EIF2AK4: variants seen among roughly 807,000 people sequenced by gnomAD.
The protein encoded by EIF2AK4 is eukaryotic translation initiation factor 2 alpha kinase 4.
EIF2AK4 carries 139 observed loss-of-function variants against 211.1 expected under a neutral mutation model. That is an observed-to-expected ratio of 0.66 (90% CI 0.57 to 0.76). The LOEUF (loss-of-function observed/expected upper bound fraction) is 0.76, where lower values mean the gene tolerates loss of function less well. EIF2AK4 is among the 30% of genes least tolerant of loss of function. The probability of loss-of-function intolerance (pLI) is 0.00; values close to 1 mark genes in which losing one functional copy is unlikely to be tolerated. For missense variants in EIF2AK4, 1,664 were observed against 2,043.8 expected, an observed-to-expected ratio of 0.81 and a Z score of 3.58; for synonymous variants, 710 against 751.3, an observed-to-expected ratio of 0.94 and a Z score of 0.90.
At chr15:40,034,918 T>C (rs1284709849) in intron 38 of EIF2AK4, 109 bp from the exon 39 acceptor site, 1 of 780,104 alleles carries the variant, frequency 1.3e-6, no homozygotes, top group African/African-American at 1.7e-5. Flanking sequence ...TAGCCTTCCA[T>C]CTTGTTTTTG....
At position 40,009,145 on chromosome 15, in the gene EIF2AK4, G is replaced by T. The variant is rs866836268; in HGVS notation, c.3577-469G>T. 6.6e-5 allele frequency among the ~76,000 whole-genome samples: 10 copies of T among 151,754 alleles called. No homozygotes were observed. In the Middle Eastern group the frequency reaches 0.021, roughly 312 times the overall value. On this transcript the variant is annotated intron_variant, in intron 25 of 38. Coordinates refer to ENST00000263791, the MANE Select transcript of EIF2AK4 (RefSeq NM_001013703.4). ...CTCGCTCTGTCTCCCAGGATGGTGT[G>T]CAGTGATACTATCACAGCTCACTAG...
intron 7 of EIF2AK4, among the ~76,000 whole-genome samples, chr15:39,963,846 C>T (rs528042441): frequency 6.6e-6 from 1 of 152,264 alleles, no homozygotes; most frequent in Non-Finnish European, 1.5e-5. Context: ...TTTTAAACCC[C>T]AGCAACTATG....
At chr15:40,032,616 C>T in intron 36 of EIF2AK4, 141 bp from the exon 37 acceptor site, 3 of 703,840 alleles carry the variant, frequency 4.3e-6, no homozygotes, top group East Asian at 2.7e-5. Context: ...TATCACTGCA[C>T]AGTTCATTAA....
At chr15:39,988,164 TA>T (rs1451821684) in intron 15 of EIF2AK4, 59 bp downstream of exon 15, 1 of 1,579,410 alleles carries the variant, frequency 6.3e-7, no homozygotes, top group Non-Finnish European at 8.7e-7. Flanking sequence ...TATGACTGCA[TA>T]AAAATATCAA....
chr15:39,954,825 G>A lies in EIF2AK4; in HGVS notation c.595-795G>A, dbSNP rs1038730501. 2.0e-5 allele frequency among the ~76,000 whole-genome samples: 3 copies of A among 152,274 alleles called. No individual in the cohort carries two copies. The East Asian group carries it at 5.8e-4, about 29-fold the overall frequency. On this transcript the variant is annotated intron_variant, in intron 5 of 38. Transcript: ENST00000263791. ...ATAAATTAGAGCATTAAACTTAAGGGACATGATGTGGTAGCAGGAAGAGGC... is the reference window on the plus strand; with the variant it reads ...ATAAATTAGAGCATTAAACTTAAGGAACATGATGTGGTAGCAGGAAGAGGC...
chr15:39,976,458 C>T lies in EIF2AK4; in HGVS notation c.1863C>T (p.Ile621=). Residue 621 remains isoleucine, a synonymous_variant, in exon 12 of 39, where the codon ATC becomes ATT. Transcript: ENST00000263791. ...LDGCCYAVKR[I]PINPASRQFR... Reference sequence around the variant, plus strand: ...GCTGCTGCTACGCAGTGAAGCGCATCCCCATCAACCCGGCCAGCCGGCAGT... The same window carrying T: ...GCTGCTGCTACGCAGTGAAGCGCATTCCCATCAACCCGGCCAGCCGGCAGT... The T allele has an allele frequency of 6.2e-7, 1 of 1,610,142 alleles. No individual in the cohort carries two copies. The highest frequency in any genetic ancestry group is 8.5e-7 in the Non-Finnish European group (1 of 1,178,886).
At position 40,034,344 on chromosome 15, in the gene EIF2AK4, G is replaced by A. The variant is rs1045326564; in HGVS notation, c.4792G>A (p.Ala1598Thr). The change falls in exon 38 of 39, where the codon GCA (alanine) becomes ACA (threonine). Residue 1598 changes from alanine to threonine, a missense_variant. By Grantham distance (58) the Ala-to-Thr change is moderately conservative. This residue lies in a region of EIF2AK4 where 138 missense variants were observed against 165.1 expected (regional missense o/e 0.84). Transcript: ENST00000263791. Reference sequence around the variant, plus strand: ...TTCCTAGTGGGATGCTGATGAACAGGCATTTAACACAACTGTGAAGCAGCT... The same window carrying A: ...TTCCTAGTGGGATGCTGATGAACAGACATTTAACACAACTGTGAAGCAGCT... Reference protein sequence around the residue: ...LSLEWDADEQAFNTTVKQLLS... With the variant: ...LSLEWDADEQTFNTTVKQLLS... 8 of 1,613,906 alleles carry A rather than the reference G, an allele frequency of 5.0e-6. No homozygotes were observed. The East Asian group carries it at 1.8e-4, about 36-fold the overall frequency.
intron 3 of EIF2AK4, among the ~76,000 whole-genome samples, chr15:39,948,206 G>A (rs752776023): frequency 6.6e-6 from 1 of 152,134 alleles, no homozygotes; most frequent in African/African-American, 2.4e-5. Flanking sequence ...TTATATTTTT[G>A]GGTACAATGA....
chr15:40,017,331 A>AT, intron 29 of EIF2AK4, 89 bp downstream of exon 29: 1 of 1,464,382 alleles, frequency 6.8e-7, no homozygotes, highest in South Asian at 1.3e-5. Flanking sequence ...AACACCAAAA[A>AT]TTTGAACCAG....
intron 3 of EIF2AK4, among the ~76,000 whole-genome samples, chr15:39,944,107 T>G (rs2034187808): frequency 6.6e-6 from 1 of 152,216 alleles, no homozygotes; most frequent in South Asian, 2.1e-4. Flanking sequence ...ACCTCTCCCC[T>G]TTGCATATCA....
chr15:39,953,223 A>G (rs1220220909), intron 4 of EIF2AK4, among the ~76,000 whole-genome samples: 1 of 152,158 alleles, frequency 6.6e-6, no homozygotes, highest in African/African-American at 2.4e-5. Context: ...TTTAGCTAAC[A>G]ATTTTGTTTT....
intron 27 of EIF2AK4, among the ~76,000 whole-genome samples, chr15:40,011,843 T>C (rs1046008288): frequency 1.3e-5 from 2 of 152,168 alleles, no homozygotes; most frequent in Non-Finnish European, 2.9e-5. Flanking sequence ...TTACATTTGA[T>C]CCCATCATCA....
In EIF2AK4 at chr15:40,007,189, T is replaced by C. The variant is rs752403873; in HGVS notation, c.3407+124T>C. The C allele has an allele frequency of 2.8e-4, 257 of 902,432 alleles. 1 individual carries two copies. Among genetic ancestry groups the C allele is most frequent in the Non-Finnish European group, 4.0e-4 (240 of 595,688 alleles). 55.9% of individuals were successfully genotyped at this position (902,432 alleles called of 1,614,324 possible). The stretch of plus-strand genomic sequence containing the variant: ...AGTTAAGAATTCTGGGTTCAGAATA[T>C]TGAGCTTAGAATATGAACCAGAAGC... On this transcript the variant is annotated intron_variant, in intron 24 of 38. Coordinates refer to ENST00000263791, the MANE Select transcript of EIF2AK4 (RefSeq NM_001013703.4).
chr15:39,973,858 A>G, intron 11 of EIF2AK4, 109 bp downstream of exon 11: 3 of 1,272,258 alleles, frequency 2.4e-6, no homozygotes, highest in South Asian at 2.8e-5. Flanking sequence ...GGAAGTGAAT[A>G]TGGCTGTTGG....
intron 15 of EIF2AK4, 77 bp downstream of exon 15, chr15:39,988,182 G>T: frequency 6.5e-7 from 1 of 1,541,986 alleles, no homozygotes. Flanking sequence ...TCAAATGTAA[G>T]ATTGGAGAAA....
intron 4 of EIF2AK4, chr15:39,951,814 A>G (rs2034320929): frequency 6.2e-6 from 1 of 160,418 alleles, no homozygotes; most frequent in Non-Finnish European, 1.4e-5. Context: ...AAGCCATGGT[A>G]TAGAGACCTC....
rs1421473946 is a variant in EIF2AK4, at chr15:39,963,554, ATTTTTTTAT to A, written c.859+1659_859+1667del. Among the ~76,000 whole-genome samples, 3 of 152,182 alleles carry A rather than the reference ATTTTTTTAT, an allele frequency of 2.0e-5. No individual in the cohort carries two copies. The East Asian group carries it at 5.8e-4, about 29-fold the overall frequency. ...TGTTTTTATAAAAGATTAACTACTA[ATTTTTTTAT>A]TTTCAATGAAGTATTTTTATAAAAA... On this transcript the variant is annotated intron_variant, in intron 7 of 38. Transcript: ENST00000263791.
intron 11 of EIF2AK4, among the ~76,000 whole-genome samples, chr15:39,976,103 A>C (rs1381191835): frequency 1.3e-5 from 2 of 152,246 alleles, no homozygotes; most frequent in East Asian, 3.8e-4. Flanking sequence ...AGACACTTAG[A>C]AATTTAGATA....
At chr15:39,994,963 T>C (rs1193328775) in intron 18 of EIF2AK4, among the ~76,000 whole-genome samples, 1 of 152,126 alleles carries the variant, frequency 6.6e-6, no homozygotes, top group Non-Finnish European at 1.5e-5. Flanking sequence ...TGCCTCAGAC[T>C]CCCGAGTAGC....
Sources: gnomAD v4.1 joint callset for allele counts (sites outside exome capture counted in the v4.1 genomes callset) on GRCh38, gnomAD v4.1.1 for gene constraint, gnomAD v4.1.1 regional missense constraint, MANE v1.5 for transcripts, NCBI Gene and HGNC (gene_info 2026-07-23, HGNC 2026-07-21) for gene names.